Variants in SMPD3 observed in about 807,000 individuals in gnomAD.
SMPD3 encodes sphingomyelin phosphodiesterase 3, also known as nSMase-2.
SMPD3 carries 21 observed loss-of-function variants against 55.7 expected under a neutral mutation model. The ratio of observed to expected loss-of-function variants is 0.38; its 90% CI spans 0.27 to 0.54. SMPD3 has a LOEUF of 0.54. Among genes scored for constraint, SMPD3 ranks in the 20% least tolerant of loss-of-function variants. SMPD3 has a pLI of 0.80. For synonymous variants in SMPD3, 457 were observed against 404.3 expected (o/e 1.13, Z -1.56); for missense variants, 842 against 899.6 (o/e 0.94, Z 0.82).
At chr16:68,391,366 G>C (rs1417312973) in intron 1 of SMPD3, among the ~76,000 whole-genome samples, 1 of 152,152 alleles carries the variant, frequency 6.6e-6, no homozygotes, top group East Asian at 1.9e-4. Context: ...GTATATTGTG[G>C]ACCTGACATC....
At chr16:68,361,477 A>G (rs1296411030) in intron 8 of SMPD3, 126 bp downstream of exon 8, 19 of 1,432,306 alleles carry the variant, frequency 1.3e-5, no homozygotes, top group Non-Finnish European at 1.8e-5. Flanking sequence ...GGTCTGAGGG[A>G]GTGATGGGTA....
At chr16:68,388,235 C>T (rs974480502) in intron 1 of SMPD3, among the ~76,000 whole-genome samples, 2 of 152,180 alleles carry the variant, frequency 1.3e-5, no homozygotes, top group Non-Finnish European at 2.9e-5. Context: ...GGCTTTTGCC[C>T]TCAGAGCCAA....
chr16:68,416,519 C>T (rs986237358), intron 1 of SMPD3, among the ~76,000 whole-genome samples: 18 of 152,342 alleles, frequency 1.2e-4, no homozygotes, highest in Admixed American at 6.5e-4. Flanking sequence ...TGTCTTCTAA[C>T]CCTAGCAGTT....
At chr16:68,393,416 A>G (rs2090129555) in intron 1 of SMPD3, among the ~76,000 whole-genome samples, 1 of 152,186 alleles carries the variant, frequency 6.6e-6, no homozygotes, top group South Asian at 2.1e-4. Flanking sequence ...AAAAACAAAA[A>G]AAACAAAAAG....
chr16:68,388,157 C>T (rs1285232571), intron 1 of SMPD3, among the ~76,000 whole-genome samples: 1 of 152,184 alleles, frequency 6.6e-6, no homozygotes, highest in Non-Finnish European at 1.5e-5. Flanking sequence ...GCCAGAGCCC[C>T]CCAGGTCTAT....
chr16:68,411,244 C>A (rs2090297817), intron 1 of SMPD3, among the ~76,000 whole-genome samples: 1 of 152,236 alleles, frequency 6.6e-6, no homozygotes, highest in Non-Finnish European at 1.5e-5. Context: ...CACCTCAGTC[C>A]AGTGATCACA....
intron 2 of SMPD3, among the ~76,000 whole-genome samples, chr16:68,374,121 C>T (rs566078499): frequency 1.4e-3 from 213 of 152,348 alleles, no homozygotes; most frequent in Non-Finnish European, 2.5e-3. Flanking sequence ...TGCACAGGGG[C>T]GCCCTAGAGT....
At chr16:68,375,733 TC>T (rs1342578115) in intron 2 of SMPD3, among the ~76,000 whole-genome samples, 8 of 152,198 alleles carry the variant, frequency 5.3e-5, no homozygotes, top group Admixed American at 5.2e-4. Flanking sequence ...GAGTGGCCAG[TC>T]CTGATCTTTA....
chr16:68,364,541 A>T, intron 5 of SMPD3: 1 of 593,930 alleles, frequency 1.7e-6, no homozygotes, highest in South Asian at 2.6e-5. Flanking sequence ...TTTTTAGGGC[A>T]TCTCTGTCTC....
chr16:68,439,352 C>T (rs191028262), intron 1 of SMPD3, among the ~76,000 whole-genome samples: 5 of 152,326 alleles, frequency 3.3e-5, no homozygotes, highest in Admixed American at 2.6e-4. Flanking sequence ...AGACCCTGGT[C>T]TCCTCCTGGG....
chr16:68,403,044 G>A (rs1031193845), intron 1 of SMPD3, among the ~76,000 whole-genome samples: 5 of 152,202 alleles, frequency 3.3e-5, no homozygotes, highest in Admixed American at 6.5e-5. Flanking sequence ...GCTCCCTCTG[G>A]CCCCAGGGCC....
At chr16:68,380,652 C>T (rs1214771399) in intron 2 of SMPD3, among the ~76,000 whole-genome samples, 1 of 152,208 alleles carries the variant, frequency 6.6e-6, no homozygotes, top group Non-Finnish European at 1.5e-5. Flanking sequence ...CCTTGCTTCT[C>T]TCAGGTTCTG....
In SMPD3 at chr16:68,358,953, C is replaced by T. The variant is rs1041532226; in HGVS notation, c.*2253G>A. 2 of 152,588 alleles carry T rather than the reference C, an allele frequency of 1.3e-5. No homozygotes were observed. The highest frequency in any genetic ancestry group is 6.5e-5 in the Admixed American group (1 of 15,286). 9.5% of individuals were successfully genotyped at this position (152,588 alleles called of 1,614,324 possible). A position where few individuals can be genotyped will look rare whatever the true frequency, so the allele number is the denominator to read the frequency against. ...GGTGCTGAGGGAGGTGTGCGGGGGC[C>T]TGGGGGCCGCACATCCTTACTCTGG... On this transcript the variant is annotated 3_prime_UTR_variant, in exon 9 of 9. Coordinates refer to ENST00000219334, the MANE Select transcript of SMPD3 (RefSeq NM_018667.4).
At chr16:68,373,004 G>T (rs2166768) in intron 2 of SMPD3, among the ~76,000 whole-genome samples, 85,920 of 152,108 alleles carry the variant, frequency 0.56, 24,694 homozygotes, top group East Asian at 0.79. Context: ...CAGCCTGCAG[G>T]ATCACACCAA....
At chr16:68,361,415 G>A in intron 8 of SMPD3, 108 bp from the exon 9 acceptor site, 2 of 1,379,194 alleles carry the variant, frequency 1.5e-6, no homozygotes, top group Non-Finnish European at 2.0e-6. Flanking sequence ...GGGGTGGGCT[G>A]GGACCTTCCT....
intron 1 of SMPD3, among the ~76,000 whole-genome samples, chr16:68,400,322 T>C (rs1050907066): frequency 6.6e-6 from 1 of 152,214 alleles, no homozygotes; most frequent in African/African-American, 2.4e-5. Context: ...CCCCTGACCT[T>C]GCCAGCATGA....
rs780256445 is a variant in SMPD3, at chr16:68,361,287, A to G, written c.1887T>C (p.Phe629=). The change falls in exon 9 of 9, where the codon TTT becomes TTC. Residue 629 remains phenylalanine (F), a synonymous_variant. Coordinates refer to ENST00000219334, the MANE Select transcript of SMPD3 (RefSeq NM_018667.4). The part of the protein sequence containing the change: ...DWKAEVEEFS[F]ITQLSGLTDH... ...CCGTCAGGCCGGACAGCTGGGTGAT[A>G]AAACTGAATTCTTCCACCTCCTGGG... 3 of 1,612,250 alleles carry G rather than the reference A, an allele frequency of 1.9e-6. No homozygotes were observed. The highest frequency in any genetic ancestry group is 2.5e-6 in the Non-Finnish European group (3 of 1,179,350).
At chr16:68,380,785 C>G (rs561287862) in intron 2 of SMPD3, among the ~76,000 whole-genome samples, 1 of 152,350 alleles carries the variant, frequency 6.6e-6, no homozygotes, top group African/African-American at 2.4e-5. Flanking sequence ...AGCATACTGT[C>G]TGTGGGAGTA....
At chr16:68,387,718 C>T (rs1036492120) in intron 1 of SMPD3, among the ~76,000 whole-genome samples, 5 of 152,224 alleles carry the variant, frequency 3.3e-5, no homozygotes, top group Admixed American at 6.5e-5. Flanking sequence ...TCCCATGGCC[C>T]GGCCCAAAGC....
Sources: allele counts gnomAD v4.1 joint callset (sites outside exome capture counted in the v4.1 genomes callset), GRCh38; gene constraint gnomAD v4.1.1; transcripts MANE v1.5; gene names NCBI Gene and HGNC (gene_info 2026-07-23, HGNC 2026-07-21).